Variants in DLGAP2 observed in about 807,000 individuals in gnomAD.
DLGAP2 encodes the protein DLG associated protein 2.
A neutral mutation model predicts 100.3 loss-of-function variants in DLGAP2; 26 were observed. That is an observed-to-expected ratio of 0.26 (90% CI 0.19 to 0.36). DLGAP2 has a LOEUF of 0.36. DLGAP2 is among the 10% of genes least tolerant of loss of function. The pLI, the probability that DLGAP2 is intolerant of heterozygous loss-of-function variation, is 1.00. For synonymous variants in DLGAP2, 886 were observed against 630.1 expected, an observed-to-expected ratio of 1.41 and a Z score of -6.08; for missense variants, 1,858 against 1,453.2, an observed-to-expected ratio of 1.28 and a Z score of -4.53.
chr8:748,217 AGCGG>A (rs1563409776), intron 1 of DLGAP2, among the ~76,000 whole-genome samples: 1 of 12,246 alleles, frequency 8.2e-5, no homozygotes, highest in African/African-American at 5.2e-4. Context: ...CGGTGGGATG[AGCGG>A]GTCTGCGGTG....
At chr8:1,610,338 A>G (rs1182107707) in intron 6 of DLGAP2, among the ~76,000 whole-genome samples, 1 of 151,958 alleles carries the variant, frequency 6.6e-6, no homozygotes, top group African/African-American at 2.4e-5. Context: ...CTTTGAAACC[A>G]ACGAGAACAA....
intron 3 of DLGAP2, among the ~76,000 whole-genome samples, chr8:1,287,833 CGTGT>C (rs1248811227): frequency 4.1e-5 from 3 of 73,228 alleles, no homozygotes; most frequent in African/African-American, 1.2e-4. Flanking sequence ...TTTGGTTCAG[CGTGT>C]GTGTGTGTGT....
In DLGAP2 at chr8:796,957, C is replaced by T. The variant is rs1046225606; in HGVS notation, c.18+59132C>T. 5.3e-5 allele frequency among the ~76,000 whole-genome samples: 8 copies of T among 152,338 alleles called. No homozygotes were observed. In the South Asian group the frequency reaches 8.3e-4, roughly 16 times the overall value. The stretch of plus-strand genomic sequence containing the variant: ...AGGATCACTTTTGCATAGGATCAAA[C>T]GACAAGCCTTCCCCAACTTGCAAAC... On this transcript the variant is annotated intron_variant, in intron 1 of 14. Coordinates refer to ENST00000637795, the MANE Select transcript of DLGAP2 (RefSeq NM_001346810.2).
At chr8:851,244 G>A (rs1235277140) in intron 1 of DLGAP2, among the ~76,000 whole-genome samples, 3 of 152,238 alleles carry the variant, frequency 2.0e-5, no homozygotes, top group Admixed American at 6.5e-5. Flanking sequence ...ACCCAGGGGT[G>A]TGGTAGAACG....
chr8:1,202,974 C>T (rs939399599), intron 2 of DLGAP2, among the ~76,000 whole-genome samples: 4 of 152,158 alleles, frequency 2.6e-5, no homozygotes, highest in East Asian at 1.9e-4. Flanking sequence ...TCACGGTTTC[C>T]GTGTACTCCG....
At chr8:1,553,615 G>T (rs1227726324) in intron 5 of DLGAP2, among the ~76,000 whole-genome samples, 1 of 152,220 alleles carries the variant, frequency 6.6e-6, no homozygotes, top group Non-Finnish European at 1.5e-5. Flanking sequence ...GGAGCCCTGA[G>T]CATTCCCTCC....
intron 3 of DLGAP2, among the ~76,000 whole-genome samples, chr8:1,416,688 C>G (rs1796894923): frequency 6.6e-6 from 1 of 152,078 alleles, no homozygotes; most frequent in Non-Finnish European, 1.5e-5. Context: ...AAGTGTCTAT[C>G]AGGTCACTTA....
At chr8:1,285,509 G>T (rs1799903657) in intron 3 of DLGAP2, among the ~76,000 whole-genome samples, 1 of 152,172 alleles carries the variant, frequency 6.6e-6, no homozygotes, top group Non-Finnish European at 1.5e-5. Flanking sequence ...TGTTGTGCAG[G>T]TATCTGGTAT....
chr8:1,188,017 G>A (rs1289979565), intron 2 of DLGAP2, among the ~76,000 whole-genome samples: 19 of 114,264 alleles, frequency 1.7e-4, no homozygotes, highest in Admixed American at 3.3e-4. Flanking sequence ...AATCTCACAC[G>A]CCCGGGACTT....
intron 2 of DLGAP2, among the ~76,000 whole-genome samples, chr8:1,230,108 A>C (rs1213493232): frequency 6.6e-6 from 1 of 152,194 alleles, no homozygotes; most frequent in East Asian, 1.9e-4. Context: ...TATACCTGCA[A>C]AACCCCAAAG....
chr8:1,238,045 G>C (rs1373804787), intron 2 of DLGAP2, among the ~76,000 whole-genome samples: 5 of 2,192 alleles, frequency 2.3e-3, no homozygotes, highest in East Asian at 4.1e-3. Context: ...CTAGTTCTCT[G>C]CCACATGGCG....
At chr8:1,492,582 G>A (rs1799420271) in intron 3 of DLGAP2, among the ~76,000 whole-genome samples, 1 of 152,192 alleles carries the variant, frequency 6.6e-6, no homozygotes, top group African/African-American at 2.4e-5. Context: ...CACTGCGCCT[G>A]CGCGGTGACT....
At chr8:1,621,995 G>A (rs1386906991) in intron 6 of DLGAP2, 1 of 152,218 alleles carries the variant, frequency 6.6e-6, no homozygotes. Context: ...CCTGAATGTG[G>A]AAATGATCTG....
chr8:1,590,973 G>C (rs1048500798), intron 6 of DLGAP2, among the ~76,000 whole-genome samples: 1 of 152,196 alleles, frequency 6.6e-6, no homozygotes, highest in African/African-American at 2.4e-5. Context: ...CAAAACATAT[G>C]TGCTTCTAGT....
intron 3 of DLGAP2, among the ~76,000 whole-genome samples, chr8:1,441,773 A>G (rs976458177): frequency 1.3e-5 from 2 of 149,988 alleles, no homozygotes; most frequent in Admixed American, 6.7e-5. Flanking sequence ...TGGGCTTTCA[A>G]CAGCTTGACC....
At chr8:785,908 C>T (rs1031565786) in intron 1 of DLGAP2, among the ~76,000 whole-genome samples, 1 of 152,156 alleles carries the variant, frequency 6.6e-6, no homozygotes, top group African/African-American at 2.4e-5. Context: ...CTGCCGGGCC[C>T]CTCCCGGGTG....
intron 1 of DLGAP2, among the ~76,000 whole-genome samples, chr8:902,461 G>T (rs1798272731): frequency 6.7e-6 from 1 of 148,926 alleles, no homozygotes; most frequent in Admixed American, 6.7e-5. Context: ...TGCAAGGTTT[G>T]AGCCCAGGTA....
chr8:1,435,117 C>G (rs1797578519), intron 3 of DLGAP2, among the ~76,000 whole-genome samples: 3 of 152,236 alleles, frequency 2.0e-5, no homozygotes, highest in African/African-American at 7.2e-5. Flanking sequence ...CTACTCGGGC[C>G]TACTGTGTCC....
intron 2 of DLGAP2, among the ~76,000 whole-genome samples, chr8:983,821 G>A (rs548373633): frequency 6.6e-5 from 10 of 151,660 alleles, no homozygotes; most frequent in Non-Finnish European, 1.5e-4. Context: ...AATTTTTTTT[G>A]TAGAGACCAG....
Sources: allele counts gnomAD v4.1 joint callset (sites outside exome capture counted in the v4.1 genomes callset), GRCh38; gene constraint gnomAD v4.1.1; transcripts MANE v1.5; gene names NCBI Gene and HGNC (gene_info 2026-07-23, HGNC 2026-07-21).